NCOA3: variants seen among roughly 807,000 people sequenced by gnomAD.
The protein encoded by NCOA3 is nuclear receptor coactivator 3.
A neutral mutation model predicts 158.8 loss-of-function variants in NCOA3; 51 were observed. That is an observed-to-expected ratio of 0.32 (90% CI 0.26 to 0.41). The LOEUF (loss-of-function observed/expected upper bound fraction) is 0.41, where lower values mean the gene tolerates loss of function less well. Among genes scored for constraint, NCOA3 ranks in the 10% least tolerant of loss-of-function variants. The pLI is 1.00. For synonymous variants in NCOA3, 537 were observed against 592.4 expected (o/e 0.91, Z 1.36); for missense variants, 1,510 against 1,746.6 (o/e 0.86, Z 2.41).
intron 13 of NCOA3, 35 bp downstream of exon 13, chr20:47,637,818 C>A: frequency 6.5e-7 from 1 of 1,546,170 alleles, no homozygotes; most frequent in Non-Finnish European, 8.7e-7. Context: ...TTTTTTGCTG[C>A]CTTTGAAACT....
Position 47,655,651 on chromosome 20 carries a change from A to G in NCOA3, c.*2234A>G, listed in dbSNP as rs2086859823. ...TACTCTCCTGTTTGGAGACAGAGGA[A>G]GAACCAGGTCAGTCTGTCTCTTTTT... is the stretch of plus-strand genomic sequence containing the variant. On this transcript the variant is annotated 3_prime_UTR_variant, in exon 23 of 23. Transcript: ENST00000371998. 6.6e-6 allele frequency: 1 copy of G among 152,648 alleles called. No individual in the cohort carries two copies. Among genetic ancestry groups the G allele is most frequent in the African/African-American group, 2.4e-5 (1 of 41,454 alleles). 9.5% of individuals were successfully genotyped at this position (152,648 alleles called of 1,614,324 possible).
chr20:47,632,854 TG>T (rs2086444236), intron 8 of NCOA3, among the ~76,000 whole-genome samples: 1 of 151,888 alleles, frequency 6.6e-6, no homozygotes, highest in Non-Finnish European at 1.5e-5. Context: ...AGCTAATTTT[TG>T]TATTTTTACT....
rs936552351 is a variant in NCOA3, at chr20:47,563,778, A to G, written c.-98-19405A>G. 7.3e-5 allele frequency among the ~76,000 whole-genome samples: 11 copies of G among 151,458 alleles called. No homozygotes were observed. The East Asian group carries it at 7.8e-4, about 11-fold the overall frequency. ...GTGGCAGGCGCCTGTAGACCCAGCT[A>G]CTCAGGAAGCTGAGGCACGAGAATC... On this transcript the variant is annotated intron_variant, in intron 1 of 22. Transcript: ENST00000371998.
At chr20:47,640,732 A>G (rs866330000) in intron 16 of NCOA3, among the ~76,000 whole-genome samples, 3,461 of 151,240 alleles carry the variant, frequency 0.023, 119 homozygotes, top group African/African-American at 0.075. Context: ...AAAAAAAAAA[A>G]AAAAAATTAG....
intron 1 of NCOA3, among the ~76,000 whole-genome samples, chr20:47,546,061 G>A (rs2084822948): frequency 6.6e-6 from 1 of 152,090 alleles, no homozygotes; most frequent in Non-Finnish European, 1.5e-5. Flanking sequence ...TTCCTCACTT[G>A]TATATCCAAC....
chr20:47,625,095 C>T (rs1312940816), intron 4 of NCOA3, among the ~76,000 whole-genome samples: 6 of 152,084 alleles, frequency 3.9e-5, no homozygotes, highest in Non-Finnish European at 4.4e-5. Context: ...TCTTTAGAGA[C>T]GGTTAACAGA....
intron 1 of NCOA3, among the ~76,000 whole-genome samples, chr20:47,519,144 A>G (rs2084284757): frequency 6.8e-6 from 1 of 147,274 alleles, no homozygotes; most frequent in South Asian, 2.2e-4. Flanking sequence ...TCAAAAAAAA[A>G]AAAGAAAAAG....
intron 1 of NCOA3, among the ~76,000 whole-genome samples, chr20:47,554,395 T>G (rs904635836): frequency 1.2e-4 from 19 of 152,096 alleles, no homozygotes; most frequent in Non-Finnish European, 2.5e-4. Flanking sequence ...CAGAAGCTCT[T>G]TAGTTTAATT....
At chr20:47,611,825 C>T (rs1451827911) in intron 2 of NCOA3, among the ~76,000 whole-genome samples, 1 of 151,862 alleles carries the variant, frequency 6.6e-6, no homozygotes, top group African/African-American at 2.4e-5. Flanking sequence ...AAAAGCCCCA[C>T]TCCTTCTGCC....
chr20:47,640,402 A>C (rs751666107), intron 16 of NCOA3, among the ~76,000 whole-genome samples: 1 of 152,242 alleles, frequency 6.6e-6, no homozygotes, highest in Non-Finnish European at 1.5e-5. Context: ...AATGTTCTTC[A>C]GAGGGTTAGC....
At chr20:47,502,236 C>T (rs2083944262) in intron 1 of NCOA3, among the ~76,000 whole-genome samples, 1 of 152,310 alleles carries the variant, frequency 6.6e-6, no homozygotes, top group Admixed American at 6.5e-5. Flanking sequence ...GCGGTAGGAG[C>T]TGAGACGAAG....
In NCOA3 at chr20:47,594,838, C is replaced by T. The variant is rs1381044006; in HGVS notation, c.-20+11577C>T. ...GACAGTTTTGCTGTTGCCGCCCAGT[C>T]TGGAGCGCAGTACCGCGATCTCAGC... On this transcript the variant is annotated intron_variant, in intron 2 of 22. Coordinates refer to ENST00000371998, the MANE Select transcript of NCOA3 (RefSeq NM_181659.3). Among the ~76,000 whole-genome samples the T allele has an allele frequency of 2.3e-5, 3 of 128,836 alleles. No homozygotes were observed. In the East Asian group the frequency reaches 7.0e-4, roughly 30 times the overall value. The allele number at this position is 128,836 out of a possible 152,430, so 84.5% of individuals were successfully genotyped here. A position where few individuals can be genotyped will look rare whatever the true frequency, so the allele number is the denominator to read the frequency against.
At chr20:47,598,217 A>G (rs112685191) in intron 2 of NCOA3, among the ~76,000 whole-genome samples, 9,171 of 139,116 alleles carry the variant, frequency 0.066, 422 homozygotes, top group Middle Eastern at 0.17. Context: ...ACTGCACTCC[A>G]GCCTGGGCGA....
At position 47,637,799 on chromosome 20, in the gene NCOA3, GT is replaced by G. The variant is rs76088783; in HGVS notation, c.2512+30del. ...AATTCTCTGGGTAAGAATGAACTAG[GT>G]TTTTTTTTTTTTTGCTGCCTTTGAA... On this transcript the variant is annotated intron_variant, in intron 13 of 22. Transcript: ENST00000371998. 96,623 of 1,275,594 alleles carry G rather than the reference GT, an allele frequency of 0.076. No individual in the cohort carries two copies. Among genetic ancestry groups the G allele is most frequent in the South Asian group, 0.094 (6,604 of 69,884 alleles). 79.0% of individuals were successfully genotyped at this position (1,275,594 alleles called of 1,614,324 possible). A position where few individuals can be genotyped will look rare whatever the true frequency, so the allele number is the denominator to read the frequency against.
intron 1 of NCOA3, among the ~76,000 whole-genome samples, chr20:47,541,609 C>T (rs999873630): frequency 6.7e-6 from 1 of 150,186 alleles, no homozygotes; most frequent in Non-Finnish European, 1.5e-5. Flanking sequence ...TCTCGAACTC[C>T]TGGCCTCAAG....
chr20:47,515,447 C>T (rs929121748), intron 1 of NCOA3, among the ~76,000 whole-genome samples: 10 of 151,480 alleles, frequency 6.6e-5, no homozygotes, highest in Admixed American at 2.6e-4. Flanking sequence ...GCATGAGCCA[C>T]CACACCCGAG....
At position 47,594,933 on chromosome 20, in the gene NCOA3, A is replaced by G. The variant is rs1230304257; in HGVS notation, c.-20+11672A>G. 2.0e-5 allele frequency among the ~76,000 whole-genome samples: 3 copies of G among 150,898 alleles called. 1 individual carries two copies. Among genetic ancestry groups the G allele is most frequent in the Non-Finnish European group, 2.9e-5 (2 of 67,820 alleles). ...CAGCCTCCTGAGTAGCTGGGATTAC[A>G]GGCACCCGCCACCACGACTGGCTAA... On this transcript the variant is annotated intron_variant, in intron 2 of 22. Coordinates refer to ENST00000371998, the MANE Select transcript of NCOA3 (RefSeq NM_181659.3).
intron 1 of NCOA3, among the ~76,000 whole-genome samples, chr20:47,540,815 T>C (rs2084713843): frequency 6.6e-6 from 1 of 152,132 alleles, no homozygotes; most frequent in Non-Finnish European, 1.5e-5. Flanking sequence ...ATTGTACAAA[T>C]AATTGCTTTT....
At chr20:47,616,298 A>G (rs991052026) in intron 2 of NCOA3, among the ~76,000 whole-genome samples, 1 of 151,406 alleles carries the variant, frequency 6.6e-6, no homozygotes, top group African/African-American at 2.4e-5. Context: ...GGTTCAAGCA[A>G]TCCTCCTGCC....
Sources: gnomAD v4.1 joint callset for allele counts (sites outside exome capture counted in the v4.1 genomes callset) on GRCh38, gnomAD v4.1.1 for gene constraint, MANE v1.5 for transcripts, NCBI Gene and HGNC (gene_info 2026-07-23, HGNC 2026-07-21) for gene names.